KIAA1328: variants seen among roughly 807,000 people sequenced by gnomAD.
The protein encoded by KIAA1328 is KIAA1328.
In KIAA1328, 52 loss-of-function variants were observed where a neutral mutation model predicts 68.1. The ratio of observed to expected loss-of-function variants is 0.76; its 90% CI spans 0.61 to 0.96. The LOEUF (loss-of-function observed/expected upper bound fraction) is 0.96. KIAA1328 is among the 40% of genes least tolerant of loss of function. The probability of loss-of-function intolerance (pLI) is 0.00; values close to 1 mark genes in which losing one functional copy is unlikely to be tolerated. For missense variants in KIAA1328, 641 were observed against 677.6 expected (o/e 0.95, Z 0.60); for synonymous variants, 232 against 239.4 (o/e 0.97, Z 0.28).
rs535749744 is a variant in KIAA1328, at chr18:36,848,060, C to T, written c.332+3758C>T. Among the ~76,000 whole-genome samples, 5 of 151,504 alleles carry T rather than the reference C, an allele frequency of 3.3e-5. No individual in the cohort carries two copies. In the South Asian group the frequency reaches 6.2e-4, roughly 19 times the overall value. On this transcript the variant is annotated intron_variant, in intron 4 of 9. Coordinates refer to ENST00000280020, the MANE Select transcript of KIAA1328 (RefSeq NM_020776.3). Reference sequence around the variant, plus strand: ...GAAAATTATTTTGACTCTTTGAGGTCCTTTGCATTTCACTGTAAATTTTAG... The same window carrying T: ...GAAAATTATTTTGACTCTTTGAGGTTCTTTGCATTTCACTGTAAATTTTAG...
chr18:37,197,331 CTTA>C (rs2060023096), intron 9 of KIAA1328, among the ~76,000 whole-genome samples: 1 of 151,474 alleles, frequency 6.6e-6, no homozygotes, highest in Admixed American at 6.6e-5. Context: ...CTGCTCGGAC[CTTA>C]TTATTTATTT....
chr18:37,099,830 T>C (rs2151863573), intron 7 of KIAA1328, among the ~76,000 whole-genome samples: 1 of 152,242 alleles, frequency 6.6e-6, no homozygotes, highest in East Asian at 1.9e-4. Context: ...CATTATGTAA[T>C]GGCCTTCTTT....
At chr18:37,163,774 G>A (rs2154212100) in intron 8 of KIAA1328, among the ~76,000 whole-genome samples, 2 of 152,198 alleles carry the variant, frequency 1.3e-5, no homozygotes, top group South Asian at 4.1e-4. Flanking sequence ...CATTTCTCAT[G>A]TTTCTTTTAT....
chr18:36,906,354 T>G (rs796857128), intron 5 of KIAA1328, among the ~76,000 whole-genome samples: 11 of 152,288 alleles, frequency 7.2e-5, no homozygotes, highest in African/African-American at 2.4e-4. Flanking sequence ...TAACTCTGCC[T>G]TCTCCCCAAG....
intron 6 of KIAA1328, among the ~76,000 whole-genome samples, chr18:37,041,645 TG>T (rs1568327510): frequency 2.4e-4 from 2 of 8,194 alleles, no homozygotes; most frequent in African/African-American, 3.4e-4. Context: ...TGTGTTTGTG[TG>T]TGTGTGTGTG....
chr18:37,131,267 A>G lies in KIAA1328; in HGVS notation c.1233-28933A>G, dbSNP rs75556900. Among the ~76,000 whole-genome samples the G allele has an allele frequency of 3.9e-3, 592 of 152,294 alleles. 6 individuals carry two copies. Among genetic ancestry groups the G allele is most frequent in the African/African-American group, 0.013 (560 of 41,566 alleles). On this transcript the variant is annotated intron_variant, in intron 7 of 9. Transcript: ENST00000280020. ...TTATCTTTAGCAAATAGTTTTGCCT[A>G]TCTTTAGGGCCACTGGAGATTCAAA...
rs80061617 is a variant in KIAA1328 at position 36,917,078 on chromosome 18, A to T, written c.448+31406A>T. Among the ~76,000 whole-genome samples, 3 of 152,356 alleles carry T rather than the reference A, an allele frequency of 2.0e-5. No individual in the cohort carries two copies. The East Asian group carries it at 5.8e-4, about 29-fold the overall frequency. ...TAATGAGAATAAAAAATCCCTGCTC[A>T]TAACATCCTCCTTCTAGAATGGTTG... On this transcript the variant is annotated intron_variant, in intron 5 of 9. Transcript: ENST00000280020.
intron 9 of KIAA1328, among the ~76,000 whole-genome samples, chr18:37,213,709 T>G (rs1229426546): frequency 3.3e-5 from 5 of 152,180 alleles, no homozygotes; most frequent in Non-Finnish European, 2.9e-5. Flanking sequence ...TTCTAGATCC[T>G]TGAGGAATCG....
chr18:37,148,641 G>T (rs1165979712), intron 7 of KIAA1328, among the ~76,000 whole-genome samples: 1 of 152,146 alleles, frequency 6.6e-6, no homozygotes, highest in Admixed American at 6.5e-5. Context: ...GCTGTTTCTT[G>T]ACTTTTTAGT....
intron 6 of KIAA1328, among the ~76,000 whole-genome samples, chr18:37,028,286 T>C (rs1568311158): frequency 6.6e-6 from 1 of 152,202 alleles, no homozygotes. Context: ...TTTTATTTTT[T>C]GTGTATGGTT....
intron 5 of KIAA1328, among the ~76,000 whole-genome samples, chr18:36,944,510 C>A (rs923414934): frequency 6.6e-6 from 1 of 151,808 alleles, no homozygotes; most frequent in African/African-American, 2.4e-5. Context: ...ACCCGGGAGG[C>A]GGAGCTTGCA....
chr18:36,903,978 T>G (rs946760531), intron 5 of KIAA1328, among the ~76,000 whole-genome samples: 1 of 152,120 alleles, frequency 6.6e-6, no homozygotes, highest in Non-Finnish European at 1.5e-5. Context: ...TTTAATAAGA[T>G]CCCCAGGTGA....
chr18:37,153,417 G>T (rs1299584993), intron 7 of KIAA1328, among the ~76,000 whole-genome samples: 1 of 152,050 alleles, frequency 6.6e-6, no homozygotes, highest in Non-Finnish European at 1.5e-5. Flanking sequence ...CATTGTTGGA[G>T]AAAGGATATA....
intron 5 of KIAA1328, among the ~76,000 whole-genome samples, chr18:36,891,083 C>A (rs1598622252): frequency 1.3e-5 from 2 of 152,236 alleles, no homozygotes; most frequent in East Asian, 3.9e-4. Flanking sequence ...ATTGAGATAG[C>A]ATTTCACAAC....
rs1053707024 is a variant in KIAA1328 at position 37,222,259 on chromosome 18, G to C, written c.*32G>C. On this transcript the variant is annotated 3_prime_UTR_variant, in exon 10 of 10. Transcript: ENST00000280020. ...GCAAAATTTTCTTAGGAAATTTGTG[G>C]GTTTCCTCACATACTGATCTAGGAT... 3 of 1,550,422 alleles carry C rather than the reference G, an allele frequency of 1.9e-6. No homozygotes were observed. The Admixed American group carries it at 5.9e-5, about 30-fold the overall frequency.
At chr18:37,186,443 T>C (rs2059801898) in intron 9 of KIAA1328, among the ~76,000 whole-genome samples, 1 of 151,532 alleles carries the variant, frequency 6.6e-6, no homozygotes, top group Admixed American at 6.6e-5. Context: ...AGTGTGCGCC[T>C]GTAGCCCCAG....
At chr18:37,171,280 T>C (rs1200421771) in intron 8 of KIAA1328, among the ~76,000 whole-genome samples, 1 of 152,008 alleles carries the variant, frequency 6.6e-6, no homozygotes, top group African/African-American at 2.4e-5. Context: ...AGTATGACCA[T>C]AGCTCACTGC....
chr18:37,046,223 G>A (rs1211344558), intron 6 of KIAA1328, among the ~76,000 whole-genome samples: 1 of 152,144 alleles, frequency 6.6e-6, no homozygotes, highest in Non-Finnish European at 1.5e-5. Flanking sequence ...AATTTCAACA[G>A]CCATAAATTA....
At chr18:37,100,341 T>C (rs868117776) in intron 7 of KIAA1328, among the ~76,000 whole-genome samples, 6 of 152,266 alleles carry the variant, frequency 3.9e-5, no homozygotes, top group Middle Eastern at 3.4e-3. Context: ...ACTTTTCCAA[T>C]GGTCTTAGCA....
Sources: allele counts gnomAD v4.1 joint callset (sites outside exome capture counted in the v4.1 genomes callset), GRCh38; gene constraint gnomAD v4.1.1; transcripts MANE v1.5; gene names NCBI Gene and HGNC (gene_info 2026-07-23, HGNC 2026-07-21).